The following THAP4 variants were observed in gnomAD, a reference collection of about 807,000 sequenced individuals.
THAP4 encodes the protein THAP domain containing 4, also known as peroxynitrite isomerase THAP4.
In THAP4, 18 loss-of-function variants were observed where a neutral mutation model predicts 48.1. That is an observed-to-expected ratio of 0.37 (90% CI 0.26 to 0.56). THAP4 has a LOEUF of 0.56. Among genes scored for constraint, THAP4 ranks in the 20% least tolerant of loss-of-function variants. The pLI is 0.78. For synonymous variants in THAP4, 345 were observed against 324.9 expected (o/e 1.06, Z -0.66); for missense variants, 656 against 774.9 (o/e 0.85, Z 1.82).
chr2:241,627,871 G>C (rs976634685), intron 2 of THAP4, among the ~76,000 whole-genome samples: 3 of 152,126 alleles, frequency 2.0e-5, no homozygotes, highest in African/African-American at 7.2e-5. Flanking sequence ...AGGCATGCAG[G>C]GTGGTGCCTG....
chr2:241,637,436 G>A (rs375831516), upstream of THAP4: 1 of 1,469,838 alleles, frequency 6.8e-7, no homozygotes, highest in Non-Finnish European at 9.0e-7. Flanking sequence ...CCTCTAAGAG[G>A]AGGAAGCGCC....
intron 1 of THAP4, among the ~76,000 whole-genome samples, chr2:241,634,776 T>G (rs2067615131): frequency 6.6e-6 from 1 of 152,220 alleles, no homozygotes; most frequent in African/African-American, 2.4e-5. Flanking sequence ...GAGCTAAGAC[T>G]GCACCACTGC....
chr2:241,637,010 A>T lies in THAP4; in HGVS notation c.8T>A (p.Ile3Asn). The T allele has an allele frequency of 1.5e-6, 2 of 1,291,398 alleles. No individual in the cohort carries two copies. The highest frequency in any genetic ancestry group is 2.0e-6 in the Non-Finnish European group (2 of 995,020). The allele number at this position is 1,291,398 out of a possible 1,614,324, so 80.0% of individuals were successfully genotyped here. The stretch of plus-strand genomic sequence containing the variant: ...GGAGCAGTTCACGGCCGCACAGCAG[A>T]TCACCATCGCGGGCCTTGGCCCAGC... MV[I>N]CCAAVNCSNR... The change falls in exon 1 of 6, where the codon ATC (isoleucine) becomes AAC (asparagine). Residue 3 changes from isoleucine (I) to asparagine (N), a missense_variant. Ile to Asn is a moderately radical substitution (Grantham distance 149). This residue lies in a region of THAP4 where 59 missense variants were observed against 45.8 expected (regional missense o/e 1.29). Transcript: ENST00000407315.
In THAP4 at chr2:241,621,402, T is replaced by A. The variant is rs34256864; in HGVS notation, c.1240+11515A>T. Among the ~76,000 whole-genome samples, 173 of 151,872 alleles carry A rather than the reference T, an allele frequency of 1.1e-3. 1 individual carries two copies. Among genetic ancestry groups the A allele is most frequent in the African/African-American group, 3.8e-3 (156 of 41,364 alleles). On this transcript the variant is annotated intron_variant, in intron 2 of 5. Transcript: ENST00000407315. ...ACAATTAATATGCTAAGGGCTCTAA[T>A]GGAAAAAGTGGGTGATAGGCAAGAA...
chr2:241,622,089 C>A (rs531828421), intron 2 of THAP4, among the ~76,000 whole-genome samples: 6 of 152,134 alleles, frequency 3.9e-5, no homozygotes, highest in Admixed American at 1.3e-4. Context: ...GACTTATTTA[C>A]GCGGGCGCGG....
In THAP4 at chr2:241,633,017, G is replaced by A. The variant is rs748569996; in HGVS notation, c.1140C>T (p.Val380=). 6.2e-7 allele frequency: 1 copy of A among 1,613,744 alleles called. No homozygotes were observed. Among genetic ancestry groups the A allele is most frequent in the South Asian group, 1.1e-5 (1 of 91,070 alleles). The change falls in exon 2 of 6, where the codon GTC becomes GTT. Residue 380 remains valine, a synonymous_variant. Coordinates refer to ENST00000407315, the MANE Select transcript of THAP4 (RefSeq NM_015963.6). The surrounding 1 kb of genome is among the most constrained non-coding windows in gnomAD (Gnocchi z 7.5). ...NGELKSLRQR[V]SRSDSQVRKL... ...TCCGCACCTGGCTGTCGGAGCGGCT[G>A]ACCCTCTGCCGCAGGCTCTTCAGCT... is the stretch of plus-strand genomic sequence containing the variant.
At chr2:241,619,063 G>A (rs756284275) in intron 2 of THAP4, among the ~76,000 whole-genome samples, 1 of 152,160 alleles carries the variant, frequency 6.6e-6, no homozygotes, top group Admixed American at 6.5e-5. Context: ...TCAGGGACAC[G>A]GGCCACTGAA....
intron 4 of THAP4, chr2:241,602,264 C>G: frequency 1.9e-6 from 1 of 526,336 alleles, no homozygotes; most frequent in East Asian, 3.0e-5. Flanking sequence ...CACCAATCAG[C>G]CTGGCAGAAC....
In THAP4 at chr2:241,601,444, G is replaced by A. The variant is rs548397821; in HGVS notation, c.1614+452C>T. Among the ~76,000 whole-genome samples the A allele has an allele frequency of 2.0e-5, 3 of 152,274 alleles. No individual in the cohort carries two copies. Among genetic ancestry groups the A allele is most frequent in the South Asian group, 2.1e-4 (1 of 4,818 alleles). On this transcript the variant is annotated intron_variant, in intron 5 of 5. Transcript: ENST00000407315. The surrounding 1 kb of genome is among the most constrained non-coding windows in gnomAD (Gnocchi z 4.0). ...TTTATTTCTCAGATTTGAAAGGACC[G>A]AAATTCTGAAAATACACCATGTTGT...
intron 5 of THAP4, among the ~76,000 whole-genome samples, chr2:241,593,988 T>C (rs2067019010): frequency 6.6e-6 from 1 of 152,194 alleles, no homozygotes; most frequent in African/African-American, 2.4e-5. Flanking sequence ...CGAGGCACAG[T>C]ATTCTTCTTA....
Position 241,584,435 on chromosome 2 carries a change from A to C in THAP4, c.*171T>G. On this transcript the variant is annotated 3_prime_UTR_variant, in exon 6 of 6. Transcript: ENST00000407315. ...TTCAAAATCCTCAGCCATAAAAATA[A>C]AGGCCTTTTATTTGGTTTTTCTATG... 4.7e-6 allele frequency: 3 copies of C among 635,288 alleles called. No homozygotes were observed. The highest frequency in any genetic ancestry group is 2.1e-5 in the South Asian group (1 of 48,148). The allele number at this position is 635,288 out of a possible 1,614,324, so 39.4% of individuals were successfully genotyped here.
At chr2:241,596,919 G>C (rs1455651813) in intron 5 of THAP4, among the ~76,000 whole-genome samples, 2 of 152,212 alleles carry the variant, frequency 1.3e-5, no homozygotes, top group Non-Finnish European at 2.9e-5. Context: ...GGGTGAATGT[G>C]AAGGTCTAGG....
At chr2:241,624,887 G>A (rs538023022) in intron 2 of THAP4, among the ~76,000 whole-genome samples, 23 of 152,292 alleles carry the variant, frequency 1.5e-4, no homozygotes, top group African/African-American at 5.3e-4. Flanking sequence ...CTATGAGAAC[G>A]GAAGGTGGTC....
At position 241,636,959 on chromosome 2, in the gene THAP4, C is replaced by T. The variant is rs955793364; in HGVS notation, c.59G>A (p.Arg20His). ...CGCGTACCTGTGGAAGGAGACGGCG[C>T]GCTTCTCGCCCTTTCCCTGCCGGTT... ...CSNRQGKGEK[R>H]AVSFHRFPLK... Residue 20 changes from arginine (R) to histidine (H), a missense_variant, in exon 1 of 6, where the codon CGC becomes CAC. By Grantham distance (29) the Arg-to-His change is conservative. This residue lies in a region of THAP4 where 59 missense variants were observed against 45.8 expected (regional missense o/e 1.29). Coordinates refer to ENST00000407315, the MANE Select transcript of THAP4 (RefSeq NM_015963.6). 7.7e-7 allele frequency: 1 copy of T among 1,306,918 alleles called. No individual in the cohort carries two copies. Among genetic ancestry groups the T allele is most frequent in the Non-Finnish European group, 1.0e-6 (1 of 1,004,330 alleles). 81.0% of individuals were successfully genotyped at this position (1,306,918 alleles called of 1,614,324 possible). A position where few individuals can be genotyped will look rare whatever the true frequency, so the allele number is the denominator to read the frequency against.
chr2:241,601,423 T>C lies in THAP4; in HGVS notation c.1614+473A>G, dbSNP rs1194006834. On this transcript the variant is annotated intron_variant, in intron 5 of 5. Transcript: ENST00000407315. The surrounding 1 kb of genome is among the most constrained non-coding windows in gnomAD (Gnocchi z 4.0). ...AACATGAGTGAGATTTCATCTTTTATTTCTCAGATTTGAAAGGACCGAAAT... is the reference window on the plus strand; with the variant it reads ...AACATGAGTGAGATTTCATCTTTTACTTCTCAGATTTGAAAGGACCGAAAT... Among the ~76,000 whole-genome samples, 1 of 152,216 alleles carries C rather than the reference T, an allele frequency of 6.6e-6. No individual in the cohort carries two copies. Among genetic ancestry groups the C allele is most frequent in the Non-Finnish European group, 1.5e-5 (1 of 68,038 alleles).
upstream of THAP4, chr2:241,637,521 G>A (rs1297594452): frequency 8.3e-6 from 12 of 1,437,618 alleles, no homozygotes; most frequent in Non-Finnish European, 1.1e-5. Context: ...GCCGCCCGCA[G>A]GGCGCCCCGG....
At chr2:241,604,638 G>C (rs2067156936) in intron 3 of THAP4, among the ~76,000 whole-genome samples, 2 of 152,090 alleles carry the variant, frequency 1.3e-5, no homozygotes, top group African/African-American at 4.8e-5. Flanking sequence ...TCGAACTCTT[G>C]ACTTCTAGTG....
At chr2:241,625,797 C>CAAAAAAA (rs147602587) in intron 2 of THAP4, among the ~76,000 whole-genome samples, 194 of 50,122 alleles carry the variant, frequency 3.9e-3, no homozygotes, top group African/African-American at 7.7e-3. Flanking sequence ...GACTCCGTCT[C>CAAAAAAA]AAAAAAAAAA....
chr2:241,590,268 T>G (rs1453126878), intron 5 of THAP4, among the ~76,000 whole-genome samples: 3 of 121,964 alleles, frequency 2.5e-5, no homozygotes, highest in East Asian at 4.7e-4. Context: ...CTGATGATAA[T>G]GGGCACTAGG....
Sources: gnomAD v4.1 joint callset for allele counts (sites outside exome capture counted in the v4.1 genomes callset) on GRCh38, gnomAD v4.1.1 for gene constraint, gnomAD v4.1.1 regional missense constraint, Gnocchi (gnomAD v3.1) non-coding constraint, MANE v1.5 for transcripts, NCBI Gene and HGNC (gene_info 2026-07-23, HGNC 2026-07-21) for gene names.